The following ANKRD11 variants were observed in gnomAD, a reference collection of about 807,000 sequenced individuals.
ANKRD11 encodes ankyrin repeat domain 11.
Under a neutral mutation model 195.7 loss-of-function variants are expected in ANKRD11, and 17 were observed. That is an observed-to-expected ratio of 0.09 (90% CI 0.06 to 0.13). ANKRD11 has a LOEUF of 0.13. Ranked by LOEUF, ANKRD11 falls within the 10% of genes least tolerant of loss-of-function variation. The pLI is 1.00. For synonymous variants in ANKRD11, 1,953 were observed against 1,528.1 expected, an observed-to-expected ratio of 1.28 and a Z score of -6.49; for missense variants, 3,735 against 3,566.1, an observed-to-expected ratio of 1.05 and a Z score of -1.21.
chr16:89,395,328 G>A (rs1013717931), intron 2 of ANKRD11, among the ~76,000 whole-genome samples: 1 of 152,244 alleles, frequency 6.6e-6, no homozygotes, highest in Admixed American at 6.5e-5. Flanking sequence ...AGCAGCGTCG[G>A]TGTGGAAGGA....
chr16:89,389,471 A>G (rs2152121276), intron 2 of ANKRD11, among the ~76,000 whole-genome samples: 1 of 152,342 alleles, frequency 6.6e-6, no homozygotes, highest in East Asian at 1.9e-4. Flanking sequence ...AGGCAAAATT[A>G]GTAGATGGAG....
chr16:89,345,156 C>T (rs1398719199), intron 2 of ANKRD11, among the ~76,000 whole-genome samples: 1 of 152,062 alleles, frequency 6.6e-6, no homozygotes, highest in East Asian at 1.9e-4. Flanking sequence ...AAAAGGCAAA[C>T]TCCCAACATA....
At chr16:89,276,631 C>T (rs544677249) in intron 9 of ANKRD11, among the ~76,000 whole-genome samples, 4 of 152,306 alleles carry the variant, frequency 2.6e-5, no homozygotes, top group South Asian at 2.1e-4. Context: ...CCTGCCACAG[C>T]GTGGACGCAC....
intron 1 of ANKRD11, among the ~76,000 whole-genome samples, chr16:89,485,080 TC>T (rs1276450694): frequency 1.7e-5 from 2 of 115,120 alleles, no homozygotes; most frequent in South Asian, 3.0e-4. Context: ...TCAACAGGAT[TC>T]GGTCCTCTAG....
At position 89,393,187 on chromosome 16, in the gene ANKRD11, C is replaced by G. The variant is rs1178303788; in HGVS notation, c.-60+25097G>C. ...CACCTTCTTGCTACATCATAAATAC[C>G]TTGAGAGCACGACGCCAGCCTCATT... On this transcript the variant is annotated intron_variant, in intron 2 of 12. Coordinates refer to ENST00000301030, the MANE Select transcript of ANKRD11 (RefSeq NM_013275.6). Among the ~76,000 whole-genome samples, 5 of 152,180 alleles carry G rather than the reference C, an allele frequency of 3.3e-5. No homozygotes were observed. The East Asian group carries it at 7.7e-4, about 23-fold the overall frequency.
chr16:89,290,954 G>A, intron 5 of ANKRD11, 59 bp downstream of exon 5: 2 of 1,610,504 alleles, frequency 1.2e-6, no homozygotes, highest in East Asian at 2.2e-5. Context: ...ACAGCCATGA[G>A]GCTGCGACCA....
At chr16:89,387,857 TAGCC>T (rs2040991078) in intron 2 of ANKRD11, among the ~76,000 whole-genome samples, 1 of 150,592 alleles carries the variant, frequency 6.6e-6, no homozygotes, top group South Asian at 2.1e-4. Flanking sequence ...TCAAAAAAAT[TAGCC>T]AGGCGTGGTG....
chr16:89,442,528 C>G (rs896214716), intron 1 of ANKRD11, among the ~76,000 whole-genome samples: 2 of 152,156 alleles, frequency 1.3e-5, no homozygotes, highest in African/African-American at 4.8e-5. Flanking sequence ...CTCTCTCTCT[C>G]AATACCCCTA....
At chr16:89,274,396 C>A (rs537118753) in intron 11 of ANKRD11, among the ~76,000 whole-genome samples, 11 of 152,326 alleles carry the variant, frequency 7.2e-5, no homozygotes, top group African/African-American at 2.6e-4. Flanking sequence ...ATGACAGCCC[C>A]TGGGGCCTGT....
chr16:89,305,160 G>T, intron 4 of ANKRD11, 46 bp downstream of exon 4: 1 of 1,602,384 alleles, frequency 6.2e-7, no homozygotes, highest in Non-Finnish European at 8.5e-7. Flanking sequence ...GGCTGCTCCG[G>T]GCTGCCTGTG....
At chr16:89,478,619 G>C (rs1597538454) in intron 1 of ANKRD11, among the ~76,000 whole-genome samples, 1 of 152,290 alleles carries the variant, frequency 6.6e-6, no homozygotes, top group East Asian at 1.9e-4. Flanking sequence ...TCACCCCCCA[G>C]AGCGAAGCTG....
intron 1 of ANKRD11, among the ~76,000 whole-genome samples, chr16:89,473,334 G>A (rs1251211777): frequency 1.3e-5 from 2 of 152,180 alleles, no homozygotes; most frequent in Non-Finnish European, 2.9e-5. Flanking sequence ...TCTCTGCCTA[G>A]AGAATAGAGG....
At chr16:89,324,394 G>C (rs1461279335) in intron 2 of ANKRD11, 1 of 578,124 alleles carries the variant, frequency 1.7e-6, no homozygotes, top group East Asian at 6.7e-5. Context: ...AAAGTTCTCA[G>C]CTTCGTTAGT....
At chr16:89,440,035 G>A (rs998584478) in intron 1 of ANKRD11, among the ~76,000 whole-genome samples, 2 of 152,162 alleles carry the variant, frequency 1.3e-5, no homozygotes, top group South Asian at 2.1e-4. Flanking sequence ...TGAGGAAGCT[G>A]ACAAAGAATC....
intron 2 of ANKRD11, among the ~76,000 whole-genome samples, chr16:89,352,307 G>A (rs941789917): frequency 4.6e-5 from 7 of 151,756 alleles, no homozygotes; most frequent in African/African-American, 1.5e-4. Flanking sequence ...CACGCCACGC[G>A]GTGCAGAGCC....
chr16:89,486,983 T>G (rs1466835359), intron 1 of ANKRD11, among the ~76,000 whole-genome samples: 1 of 144,832 alleles, frequency 6.9e-6, no homozygotes, highest in Non-Finnish European at 1.5e-5. Flanking sequence ...CACTCCAGCC[T>G]GGGCAACAAA....
chr16:89,474,066 G>T (rs894899239), intron 1 of ANKRD11, among the ~76,000 whole-genome samples: 2 of 152,194 alleles, frequency 1.3e-5, no homozygotes, highest in African/African-American at 2.4e-5. Context: ...GAGACCTCAA[G>T]GGACAGTCAA....
chr16:89,320,509 AGCACCTGGCCCTGACCG>A (rs754161842), intron 2 of ANKRD11, among the ~76,000 whole-genome samples: 27 of 152,208 alleles, frequency 1.8e-4, no homozygotes, highest in Non-Finnish European at 2.6e-4. Context: ...GGGGCCGGCC[AGCACCTGGCCCTGACCG>A]CCCCCAGGCC....
At chr16:89,309,411 G>A (rs1042636767) in intron 3 of ANKRD11, among the ~76,000 whole-genome samples, 3 of 152,202 alleles carry the variant, frequency 2.0e-5, no homozygotes, top group Non-Finnish European at 4.4e-5. Context: ...CTAGCACTCC[G>A]GAATGTTGTG....
Sources: gnomAD v4.1 joint callset for allele counts (sites outside exome capture counted in the v4.1 genomes callset) on GRCh38, gnomAD v4.1.1 for gene constraint, MANE v1.5 for transcripts, NCBI Gene and HGNC (gene_info 2026-07-23, HGNC 2026-07-21) for gene names.